Variants in MON2 observed in about 807,000 individuals in gnomAD.
The protein encoded by MON2 is protein MON2 homolog.
In MON2, 84 loss-of-function variants were observed where a neutral mutation model predicts 208.6. The ratio of observed to expected loss-of-function variants is 0.40; its 90% CI spans 0.34 to 0.48. The LOEUF is 0.48. MON2 is among the 20% of genes least tolerant of loss of function. MON2 has a pLI of 0.59. For missense variants in MON2, 1,611 were observed against 2,015.4 expected (o/e 0.80, Z 3.84); for synonymous variants, 660 against 694.0 (o/e 0.95, Z 0.77).
chr12:62,523,317 A>G (rs1014577070), intron 8 of MON2, among the ~76,000 whole-genome samples: 4 of 152,174 alleles, frequency 2.6e-5, no homozygotes, highest in African/African-American at 7.2e-5. Flanking sequence ...TTGATTTCCC[A>G]GAAAGATGTA....
At chr12:62,592,113 G>A (rs2075416566) in intron 34 of MON2, among the ~76,000 whole-genome samples, 1 of 152,154 alleles carries the variant, frequency 6.6e-6, no homozygotes, top group Admixed American at 6.5e-5. Context: ...GGATCTGTTT[G>A]TGACAGTTTG....
At chr12:62,513,299 C>T (rs1419754743) in intron 8 of MON2, among the ~76,000 whole-genome samples, 2 of 152,036 alleles carry the variant, frequency 1.3e-5, no homozygotes, top group East Asian at 1.9e-4. Context: ...CATCTTGGCT[C>T]ACTGCAACCT....
chr12:62,571,522 A>G lies in MON2; in HGVS notation c.4454A>G (p.Lys1485Arg). The G allele has an allele frequency of 6.2e-7, 1 of 1,614,002 alleles. No homozygotes were observed. The highest frequency in any genetic ancestry group is 8.5e-7 in the Non-Finnish European group (1 of 1,179,972). The change falls in exon 30 of 35, where the codon AAA becomes AGA. Residue 1485 changes from lysine (K) to arginine (R), a missense_variant. Transcript: ENST00000393630. ...GCCCGGCAGCATGCTTCTTCTGGAA[A>G]ATTTGACAGTATGTGGCCAGAACTA... ...PVARQHASSG[K>R]FDSMWPELAN...
intron 7 of MON2, among the ~76,000 whole-genome samples, chr12:62,505,710 G>C (rs1339133947): frequency 6.7e-6 from 1 of 149,972 alleles, no homozygotes; most frequent in African/African-American, 2.5e-5. Context: ...GTGAGACCTT[G>C]TCTCTACGAA....
intron 11 of MON2, 132 bp downstream of exon 11, chr12:62,526,234 G>A (rs556734728): frequency 3.2e-5 from 27 of 835,720 alleles, no homozygotes; most frequent in South Asian, 1.9e-4. Flanking sequence ...ATTTTCTTTC[G>A]TCATATTTTG....
chr12:62,470,156 C>G (rs2068726213), intron 1 of MON2, among the ~76,000 whole-genome samples: 1 of 152,070 alleles, frequency 6.6e-6, no homozygotes, highest in South Asian at 2.1e-4. Context: ...ATCTGTCCAC[C>G]TCCTACTCCC....
chr12:62,531,637 C>G (rs996741731), intron 11 of MON2, among the ~76,000 whole-genome samples: 1 of 152,174 alleles, frequency 6.6e-6, no homozygotes, highest in Non-Finnish European at 1.5e-5. Context: ...TTGAACTTGA[C>G]ACACTGATGC....
intron 22 of MON2, 56 bp from the exon 23 acceptor site, chr12:62,549,611 CA>C: frequency 1.4e-6 from 2 of 1,475,126 alleles, no homozygotes; most frequent in South Asian, 1.4e-5. Context: ...GACCCTGTCT[CA>C]AAAATAAATA....
chr12:62,595,028 T>G lies in MON2; in HGVS notation c.*2279T>G, dbSNP rs1039832555. The G allele has an allele frequency of 5.3e-5, 8 of 152,190 alleles. No homozygotes were observed. Among genetic ancestry groups the G allele is most frequent in the African/African-American group, 1.9e-4 (8 of 41,430 alleles). The allele number at this position is 152,190 out of a possible 1,614,324, so 9.4% of individuals were successfully genotyped here. ...GTGAAAGTATTCGATGCCAGGAGAT[T>G]CAAAAAGGAAGCTCTCAAAGATAAG... On this transcript the variant is annotated 3_prime_UTR_variant, in exon 35 of 35. Transcript: ENST00000393630.
Position 62,466,834 on chromosome 12 carries a change from T to C in MON2, c.-374T>C. On this transcript the variant is annotated 5_prime_UTR_variant, in exon 1 of 35. Transcript: ENST00000393630. ...CGCTCGGAATTGTGGGCGACTCGGC[T>C]AATGGCGTCGGCGAGTCTTAGGGGC... 2 of 410,502 alleles carry C rather than the reference T, an allele frequency of 4.9e-6. No individual in the cohort carries two copies. The highest frequency in any genetic ancestry group is 8.6e-6 in the Non-Finnish European group (2 of 232,078). The allele number at this position is 410,502 out of a possible 1,614,324, so 25.4% of individuals were successfully genotyped here.
In MON2 at chr12:62,568,004, A is replaced by G. The variant is rs145189639; in HGVS notation, c.4323+1554A>G. On this transcript the variant is annotated intron_variant, in intron 29 of 34. Coordinates refer to ENST00000393630, the MANE Select transcript of MON2 (RefSeq NM_015026.3). ...AGAATCCATTGAGATACAGCATTTA[A>G]TGATGCTTGCCAAGTAGTCAGTGCT... Among the ~76,000 whole-genome samples the G allele has an allele frequency of 5.4e-3, 818 of 152,346 alleles. 7 individuals are homozygous for G. The highest frequency in any genetic ancestry group is 9.0e-3 in the Non-Finnish European group (612 of 68,026).
At chr12:62,498,048 CT>C (rs34160326) in intron 4 of MON2, among the ~76,000 whole-genome samples, 55,940 of 146,696 alleles carry the variant, frequency 0.38, 10,482 homozygotes, top group African/African-American at 0.44. Flanking sequence ...TTCATAGCAG[CT>C]TTTTTTTTTT....
In MON2 at chr12:62,581,494, G is replaced by A. The variant is rs181087052; in HGVS notation, c.4699+1074G>A. ...CTTGAGCCCAGGAGGCCGAGGTGAC[G>A]GAGTTATGATTGTACCACTGCATTT... On this transcript the variant is annotated intron_variant, in intron 32 of 34. Coordinates refer to ENST00000393630, the MANE Select transcript of MON2 (RefSeq NM_015026.3). Among the ~76,000 whole-genome samples the A allele has an allele frequency of 4.8e-4, 73 of 152,220 alleles. No individual in the cohort carries two copies. The East Asian group carries it at 7.9e-3, about 16-fold the overall frequency.
At chr12:62,510,221 C>A (rs541296308) in intron 8 of MON2, among the ~76,000 whole-genome samples, 2 of 151,952 alleles carry the variant, frequency 1.3e-5, no homozygotes, top group South Asian at 2.1e-4. Flanking sequence ...AAAAGTCTAC[C>A]AAACATTGAA....
chr12:62,528,810 G>A (rs182847695), intron 11 of MON2, among the ~76,000 whole-genome samples: 15 of 152,282 alleles, frequency 9.9e-5, no homozygotes, highest in Admixed American at 2.6e-4. Context: ...GATTAAAGCC[G>A]TAAACAGATA....
chr12:62,588,751 C>G (rs2075299718), intron 34 of MON2: 3 of 592,858 alleles, frequency 5.1e-6, no homozygotes, highest in Non-Finnish European at 8.5e-6. Flanking sequence ...CCATTCTAGT[C>G]ACACTTTATT....
Position 62,560,538 on chromosome 12 carries a change from G to A in MON2, c.3457G>A (p.Ala1153Thr). ...TGTTCTTCTTGACCATATACAGTCA[G>A]CAGCACTCAGCAAAAACAATGAAGT... ...WDVLLDHIQS[A>T]ALSKNNEVSL... The change falls in exon 26 of 35, where the codon GCA (alanine) becomes ACA (threonine). Residue 1153 changes from alanine (A) to threonine (T), a missense_variant. Physicochemically the swap from Ala to Thr is moderately conservative, Grantham distance 58. Transcript: ENST00000393630. 1 of 1,613,696 alleles carries A rather than the reference G, an allele frequency of 6.2e-7. No homozygotes were observed. The highest frequency in any genetic ancestry group is 1.3e-5 in the African/African-American group (1 of 75,000).
At position 62,596,806 on chromosome 12, in the gene MON2, A is replaced by G. The variant is rs2075536238; in HGVS notation, c.*4057A>G. ...AAAGTGTTTATAGATTCAGAAAGAG[A>G]GATGATATCTTTGTATCTTGATTTA... is the stretch of plus-strand genomic sequence containing the variant. On this transcript the variant is annotated 3_prime_UTR_variant, in exon 35 of 35. Transcript: ENST00000393630. 2 of 152,346 alleles carry G rather than the reference A, an allele frequency of 1.3e-5. No homozygotes were observed. The highest frequency in any genetic ancestry group is 4.1e-4 in the South Asian group (2 of 4,832). The allele number at this position is 152,346 out of a possible 1,614,324, so 9.4% of individuals were successfully genotyped here. A position where few individuals can be genotyped will look rare whatever the true frequency, so the allele number is the denominator to read the frequency against.
chr12:62,557,928 T>TTATATATATATATATATATATATATATA (rs71086609), intron 25 of MON2, among the ~76,000 whole-genome samples: 1 of 46,130 alleles, frequency 2.2e-5, no homozygotes, highest in Non-Finnish European at 3.6e-5. Context: ...ACGAATAGAT[T>TTATATATATATATATATATATATATATA]TATATATATA....
Sources: gnomAD v4.1 joint callset for allele counts (sites outside exome capture counted in the v4.1 genomes callset) on GRCh38, gnomAD v4.1.1 for gene constraint, MANE v1.5 for transcripts, NCBI Gene and HGNC (gene_info 2026-07-23, HGNC 2026-07-21) for gene names.